The following HSPBP1 variants were observed in gnomAD, a reference collection of about 807,000 sequenced individuals.
HSPBP1 encodes hsp70-binding protein 1.
In HSPBP1, 31 loss-of-function variants were observed where a neutral mutation model predicts 41.7. The observed-to-expected ratio is 0.74, with a 90% CI of 0.56 to 1.00. The LOEUF (loss-of-function observed/expected upper bound fraction) is 1.00, where lower values mean the gene tolerates loss of function less well. Ranked by LOEUF, HSPBP1 falls within the 50% of genes least tolerant of loss-of-function variation. The probability of loss-of-function intolerance (pLI) is 0.00; values close to 1 mark genes in which losing one functional copy is unlikely to be tolerated. For synonymous variants in HSPBP1, 199 were observed against 214.4 expected (o/e 0.93, Z 0.63); for missense variants, 439 against 487.9 (o/e 0.90, Z 0.94).
At chr19:55,269,277 C>T (rs2087862204) in intron 4 of HSPBP1, among the ~76,000 whole-genome samples, 1 of 152,156 alleles carries the variant, frequency 6.6e-6, no homozygotes, top group Non-Finnish European at 1.5e-5. Context: ...TGTCTCCAGA[C>T]ATTTGTCTAA....
intron 4 of HSPBP1, 118 bp downstream of exon 4, chr19:55,274,280 A>G: frequency 3.0e-6 from 3 of 994,828 alleles, no homozygotes; most frequent in Non-Finnish European, 4.4e-6. Context: ...TCCAACAAGC[A>G]TGGGAACAAA....
At chr19:55,265,193 T>TC in intron 7 of HSPBP1, 85 bp downstream of exon 7, 1 of 278,996 alleles carries the variant, frequency 3.6e-6, no homozygotes, top group Non-Finnish European at 5.7e-6. Context: ...CCCCATCCCC[T>TC]CCCCACACAC....
intron 3 of HSPBP1, among the ~76,000 whole-genome samples, chr19:55,275,949 GAAA>G (rs775780681): frequency 4.5e-5 from 5 of 110,478 alleles, no homozygotes; most frequent in East Asian, 2.7e-4. Context: ...CTCTGTCTCA[GAAA>G]AAAAAAAAAA....
rs1051881257 is a variant in HSPBP1 at position 55,272,356 on chromosome 19, C to T, written c.640+2042G>A. 6.6e-5 allele frequency among the ~76,000 whole-genome samples: 10 copies of T among 152,134 alleles called. No individual in the cohort carries two copies. Among genetic ancestry groups the T allele is most frequent in the African/African-American group, 1.9e-4 (8 of 41,412 alleles). ...CTGCCACCCGCCACCACTCGGGGAC[C>T]TTGCAGCATATGAAAGGAGCCAGGC... On this transcript the variant is annotated intron_variant, in intron 4 of 7. Coordinates refer to ENST00000433386, the MANE Select transcript of HSPBP1 (RefSeq NM_012267.5). The surrounding 1 kb of genome is among the most constrained non-coding windows in gnomAD (Gnocchi z 4.2).
rs183656014 is a variant in HSPBP1 at position 55,265,409 on chromosome 19, G to A, written c.894-20C>T. ...ACCAGGCTGTGAGGGACATGACAGC[G>A]GCCCTTAGGACCTCCCTCTAGAGGC... On this transcript the variant is annotated intron_variant, in intron 6 of 7. Coordinates refer to ENST00000433386, the MANE Select transcript of HSPBP1 (RefSeq NM_012267.5). 36 of 1,596,532 alleles carry A rather than the reference G, an allele frequency of 2.3e-5. No homozygotes were observed. The highest frequency in any genetic ancestry group is 1.7e-4 in the Middle Eastern group (1 of 6,028).
intron 4 of HSPBP1, among the ~76,000 whole-genome samples, chr19:55,269,857 G>A (rs956129010): frequency 2.0e-5 from 3 of 152,148 alleles, no homozygotes; most frequent in East Asian, 1.9e-4. Flanking sequence ...TATGGACTCT[G>A]GGTGACAATG....
Position 55,277,860 on chromosome 19 carries a change from C to T in HSPBP1, c.211-14G>A, listed in dbSNP as rs752785173. The T allele has an allele frequency of 1.7e-5, 26 of 1,520,466 alleles. No individual in the cohort carries two copies. The highest frequency in any genetic ancestry group is 1.4e-4 in the South Asian group (11 of 77,618). 94.2% of individuals were successfully genotyped at this position (1,520,466 alleles called of 1,614,324 possible). On this transcript the variant is annotated splice_polypyrimidine_tract_variant and intron_variant, in intron 2 of 7. Coordinates refer to ENST00000433386, the MANE Select transcript of HSPBP1 (RefSeq NM_012267.5). ...CCACTGACGCCTCTGGAGACCAAGG[C>T]GAGGAGGAAAGAAGGAGATCCATCA... is the stretch of plus-strand genomic sequence containing the variant.
In HSPBP1 at chr19:55,273,484, CT is replaced by C. The variant is rs1321973235; in HGVS notation, c.640+913del. Among the ~76,000 whole-genome samples the C allele has an allele frequency of 4.6e-5, 7 of 152,338 alleles. No individual in the cohort carries two copies. The East Asian group carries it at 1.3e-3, about 29-fold the overall frequency. Reference sequence around the variant, plus strand: ...GCTCTGTGTGTCCTCTCCAGACCCCCTGGCCCGATCCCTCCCGTGTGGAGGA... The same window carrying C: ...GCTCTGTGTGTCCTCTCCAGACCCCCGGCCCGATCCCTCCCGTGTGGAGGA... On this transcript the variant is annotated intron_variant, in intron 4 of 7. Transcript: ENST00000433386.
chr19:55,277,522 C>A (rs1247586472), intron 3 of HSPBP1, 120 bp downstream of exon 3: 5 of 1,030,026 alleles, frequency 4.9e-6, no homozygotes, highest in Admixed American at 2.1e-5. Context: ...GGCGAACAGG[C>A]TGATGGTGAG....
chr19:55,274,345 G>GGCCCCCCCCCCCCCCCCCC, intron 4 of HSPBP1, 53 bp downstream of exon 4: 1 of 552,678 alleles, frequency 1.8e-6, no homozygotes, highest in Non-Finnish European at 3.1e-6. Flanking sequence ...GGCCCACCCG[G>GGCCCCCCCCCCCCCCCCCC]CACCCCCCCC....
Position 55,272,095 on chromosome 19 carries a change from C to A in HSPBP1, c.640+2303G>T, listed in dbSNP as rs1279393731. ...AAAAAAGAAAAAAAAAAAAGCCAAC[C>A]TCGAACAGATTAAATGTAGAGTTAC... On this transcript the variant is annotated intron_variant, in intron 4 of 7. Coordinates refer to ENST00000433386, the MANE Select transcript of HSPBP1 (RefSeq NM_012267.5). The surrounding 1 kb of genome is among the most constrained non-coding windows in gnomAD (Gnocchi z 4.2). 6.6e-6 allele frequency among the ~76,000 whole-genome samples: 1 copy of A among 151,924 alleles called. No homozygotes were observed. Among genetic ancestry groups the A allele is most frequent in the African/African-American group, 2.4e-5 (1 of 41,408 alleles).
rs747855866 is a variant in HSPBP1, at chr19:55,274,530, C to T, written c.508G>A (p.Gly170Ser). 39 of 1,607,960 alleles carry T rather than the reference C, an allele frequency of 2.4e-5. No individual in the cohort carries two copies. The highest frequency in any genetic ancestry group is 3.2e-5 in the Non-Finnish European group (38 of 1,179,176). Residue 170 changes from glycine (G) to serine (S), a missense_variant, in exon 4 of 8, where the codon GGC (glycine) becomes AGC (serine). Physicochemically the swap from Gly to Ser is moderately conservative, Grantham distance 56. Transcript: ENST00000433386. ...GLRWRAAQLI[G>S]TCSQNVAAIQ... ...GCTGCCACGTTCTGACTGCACGTGC[C>T]GATGAGCTGTGCCGCCCGCCACCGC...
rs1216294072 is a variant in HSPBP1 at position 55,272,702 on chromosome 19, G to A, written c.640+1696C>T. Among the ~76,000 whole-genome samples, 6 of 152,080 alleles carry A rather than the reference G, an allele frequency of 3.9e-5. No individual in the cohort carries two copies. Among genetic ancestry groups the A allele is most frequent in the Non-Finnish European group, 5.9e-5 (4 of 67,996 alleles). On this transcript the variant is annotated intron_variant, in intron 4 of 7. Transcript: ENST00000433386. This position sits in a 1 kb window ranked among gnomAD's most constrained non-coding sequence, Gnocchi z 4.2. Reference sequence around the variant, plus strand: ...CTAAAAATACAAAAATTAGCCGGGCGCGGTGGCGGGCGCCTGTAATCCCAG... The same window carrying A: ...CTAAAAATACAAAAATTAGCCGGGCACGGTGGCGGGCGCCTGTAATCCCAG...
At chr19:55,275,251 C>T (rs1212546706) in intron 3 of HSPBP1, among the ~76,000 whole-genome samples, 5 of 152,154 alleles carry the variant, frequency 3.3e-5, no homozygotes, top group Admixed American at 3.3e-4. Flanking sequence ...CCACAGCCCA[C>T]CTCCTGTTTT....
chr19:55,265,303 AGCT>A lies in HSPBP1; in HGVS notation c.977_979del (p.Gln326del). On this transcript the variant is annotated inframe_deletion, in exon 7 of 8. Transcript: ENST00000433386. ...CTGGTACTCCTCATGCTGCTGCAGC[AGCT>A]GACAGCGGTGGCGGAGGAGCTCCTC... 2.5e-6 allele frequency: 4 copies of A among 1,599,766 alleles called. No homozygotes were observed. The highest frequency in any genetic ancestry group is 3.4e-6 in the Non-Finnish European group (4 of 1,173,238).
chr19:55,276,646 A>G (rs1389610611), intron 3 of HSPBP1, among the ~76,000 whole-genome samples: 1 of 152,192 alleles, frequency 6.6e-6, no homozygotes, highest in East Asian at 1.9e-4. Context: ...CTGAACAAGC[A>G]AAAAATGAAT....
At chr19:55,266,312 C>T (rs1353814092) in intron 4 of HSPBP1, 26 bp from the exon 5 acceptor site, 2 of 1,543,748 alleles carry the variant, frequency 1.3e-6, no homozygotes, top group Non-Finnish European at 8.8e-7. Flanking sequence ...AGGTCCTGAG[C>T]TTGCAGTCAC....
Position 55,277,711 on chromosome 19 carries a change from C to A in HSPBP1, c.346G>T (p.Asp116Tyr). The A allele has an allele frequency of 1.2e-6, 2 of 1,604,392 alleles. No homozygotes were observed. Among genetic ancestry groups the A allele is most frequent in the South Asian group, 2.2e-5 (2 of 89,516 alleles). Residue 116 changes from aspartate (D) to tyrosine (Y), a missense_variant, in exon 3 of 8, where the codon GAC becomes TAC. Coordinates refer to ENST00000433386, the MANE Select transcript of HSPBP1 (RefSeq NM_012267.5). ...AGGGCCCCCTCTCGCTCTTGCTGGT[C>A]GGCCGCCTGCTCGGCCTCCCCAGCA... ...PTAGEAEQAA[D>Y]QQEREGALEL...
At chr19:55,279,146 C>T (rs1181372457) in intron 2 of HSPBP1, among the ~76,000 whole-genome samples, 1 of 152,144 alleles carries the variant, frequency 6.6e-6, no homozygotes, top group African/African-American at 2.4e-5. Flanking sequence ...GGTCACACAG[C>T]TGGAAATGCT....
Sources: gnomAD v4.1 joint callset for allele counts (sites outside exome capture counted in the v4.1 genomes callset) on GRCh38, gnomAD v4.1.1 for gene constraint, Gnocchi (gnomAD v3.1) non-coding constraint, MANE v1.5 for transcripts, NCBI Gene and HGNC (gene_info 2026-07-23, HGNC 2026-07-21) for gene names.